Variants in SNTG1 observed in about 807,000 individuals in gnomAD.
SNTG1 encodes the protein gamma-1-syntrophin.
A neutral mutation model predicts 74.7 loss-of-function variants in SNTG1; 39 were observed. The observed-to-expected ratio is 0.52, with a 90% CI of 0.40 to 0.68. The LOEUF (loss-of-function observed/expected upper bound fraction) is 0.68, where lower values mean the gene tolerates loss of function less well. Among genes scored for constraint, SNTG1 ranks in the 30% least tolerant of loss-of-function variants. SNTG1 has a pLI of 0.00. For missense variants in SNTG1, 685 were observed against 609.5 expected, an observed-to-expected ratio of 1.12 and a Z score of -1.30; for synonymous variants, 254 against 217.1, an observed-to-expected ratio of 1.17 and a Z score of -1.49.
In SNTG1 at chr8:50,220,090, C is replaced by T. The variant is rs144337750; in HGVS notation, c.-28+47455C>T. 2.9e-3 allele frequency among the ~76,000 whole-genome samples: 448 copies of T among 152,184 alleles called. 2 individuals are homozygous for T. Among genetic ancestry groups the T allele is most frequent in the African/African-American group, 0.01 (426 of 41,536 alleles). ...AACTTTAAGAAGGTCCCATTGGTGA[C>T]CCTTCTCAGGTGTATGACAAAAAGA... On this transcript the variant is annotated intron_variant, in intron 2 of 18. Transcript: ENST00000642720.
intron 2 of SNTG1, among the ~76,000 whole-genome samples, chr8:50,265,366 G>A (rs899403973): frequency 3.9e-5 from 6 of 151,900 alleles, no homozygotes; most frequent in Non-Finnish European, 8.8e-5. Flanking sequence ...TGGAATAACT[G>A]GAAACCACCG....
intron 2 of SNTG1, among the ~76,000 whole-genome samples, chr8:50,259,505 AAAAAAAG>A (rs1184547499): frequency 4.3e-4 from 10 of 23,264 alleles, no homozygotes; most frequent in Non-Finnish European, 8.6e-4. Context: ...TCTCAAAAAA[AAAAAAAG>A]AAAGAAAGAA....
intron 18 of SNTG1, among the ~76,000 whole-genome samples, chr8:50,777,054 C>G (rs960559613): frequency 6.6e-6 from 1 of 151,656 alleles, no homozygotes; most frequent in African/African-American, 2.4e-5. Flanking sequence ...TGTGTCTTGG[C>G]AAGGATTTCT....
chr8:50,745,081 C>T (rs1420326413), intron 17 of SNTG1, among the ~76,000 whole-genome samples: 1 of 151,922 alleles, frequency 6.6e-6, no homozygotes, highest in Non-Finnish European at 1.5e-5. Context: ...GACTTTTGTA[C>T]ATCAAAGGGT....
intron 1 of SNTG1, among the ~76,000 whole-genome samples, chr8:50,122,665 C>T (rs926344927): frequency 7.1e-6 from 1 of 141,616 alleles, no homozygotes; most frequent in Non-Finnish European, 1.6e-5. Flanking sequence ...CATAAGGAGG[C>T]ACTGTGACTT....
chr8:50,370,885 G>C (rs1279119447), intron 2 of SNTG1, among the ~76,000 whole-genome samples: 1 of 152,034 alleles, frequency 6.6e-6, no homozygotes, highest in Non-Finnish European at 1.5e-5. Flanking sequence ...AAGAATGAAA[G>C]GAAAATAAAA....
chr8:50,190,261 A>G (rs2083520402), intron 2 of SNTG1, among the ~76,000 whole-genome samples: 1 of 152,178 alleles, frequency 6.6e-6, no homozygotes, highest in Non-Finnish European at 1.5e-5. Context: ...ATAGAATATG[A>G]TATTTCATGC....
At chr8:50,563,037 G>T (rs2094497072) in intron 12 of SNTG1, among the ~76,000 whole-genome samples, 1 of 152,112 alleles carries the variant, frequency 6.6e-6, no homozygotes, top group African/African-American at 2.4e-5. Flanking sequence ...CAGGAAACCA[G>T]GAGGGAGAAG....
In SNTG1 at chr8:50,187,102, A is replaced by G. The variant is rs540668505; in HGVS notation, c.-28+14467A>G. Among the ~76,000 whole-genome samples, 4 of 152,166 alleles carry G rather than the reference A, an allele frequency of 2.6e-5. No individual in the cohort carries two copies. The East Asian group carries it at 7.7e-4, about 29-fold the overall frequency. On this transcript the variant is annotated intron_variant, in intron 2 of 18. Transcript: ENST00000642720. The stretch of plus-strand genomic sequence containing the variant: ...GTCCAGTTTCAGCCCAAAGTAATTT[A>G]TAGGTTCAATGCTATTTCCGTCAAA...
At chr8:49,997,695 C>T (rs1351842499) in intron 1 of SNTG1, among the ~76,000 whole-genome samples, 4 of 152,110 alleles carry the variant, frequency 2.6e-5, no homozygotes, top group Non-Finnish European at 5.9e-5. Flanking sequence ...AACTTGTGTC[C>T]TGGTTTTCCT....
chr8:50,653,256 C>T (rs2131248764), intron 13 of SNTG1, among the ~76,000 whole-genome samples: 1 of 152,058 alleles, frequency 6.6e-6, no homozygotes, highest in South Asian at 2.1e-4. Flanking sequence ...CCAGCCTGGG[C>T]AACATAGCAA....
intron 12 of SNTG1, among the ~76,000 whole-genome samples, chr8:50,560,943 T>A (rs1325297223): frequency 2.0e-5 from 3 of 152,232 alleles, no homozygotes; most frequent in Admixed American, 6.5e-5. Flanking sequence ...TTTCTCTAAG[T>A]GTTTAATAAC....
At chr8:50,453,795 G>A (rs1408307615) in intron 8 of SNTG1, among the ~76,000 whole-genome samples, 2 of 152,102 alleles carry the variant, frequency 1.3e-5, no homozygotes, top group South Asian at 2.1e-4. Context: ...TGTCAAGGTG[G>A]GACAGGGTCT....
intron 2 of SNTG1, among the ~76,000 whole-genome samples, chr8:50,247,261 T>C (rs1239915986): frequency 6.6e-6 from 1 of 152,188 alleles, no homozygotes; most frequent in Non-Finnish European, 1.5e-5. Flanking sequence ...GCTTATTTCT[T>C]TGGGGCATTG....
intron 13 of SNTG1, among the ~76,000 whole-genome samples, chr8:50,652,357 A>C (rs1368099637): frequency 6.6e-6 from 1 of 152,144 alleles, no homozygotes; most frequent in Non-Finnish European, 1.5e-5. Context: ...GTATTAATTG[A>C]ATTGTTCAAA....
At chr8:50,620,996 G>T (rs1216948966) in intron 13 of SNTG1, among the ~76,000 whole-genome samples, 2 of 152,130 alleles carry the variant, frequency 1.3e-5, no homozygotes, top group Non-Finnish European at 2.9e-5. Flanking sequence ...AGAGCAAGGG[G>T]GTTGGAGGCA....
At chr8:49,964,243 A>T (rs1810946751) in intron 1 of SNTG1, among the ~76,000 whole-genome samples, 2 of 152,226 alleles carry the variant, frequency 1.3e-5, no homozygotes, top group South Asian at 4.1e-4. Context: ...AAGACCTTGG[A>T]AGGATAAGAC....
At position 50,361,301 on chromosome 8, in the gene SNTG1, T is replaced by C. The variant is rs72642334; in HGVS notation, c.-27-32911T>C. 8.3e-3 allele frequency among the ~76,000 whole-genome samples: 1,259 copies of C among 152,270 alleles called. 7 individuals are homozygous for C. The highest frequency in any genetic ancestry group is 0.027 in the Middle Eastern group (8 of 294). ...ACAGCCATGGAACTCTCATCTCCCA[T>C]GGTAATGATGCCTTCTTCTGAATAC... On this transcript the variant is annotated intron_variant, in intron 2 of 18. Transcript: ENST00000642720.
intron 9 of SNTG1, among the ~76,000 whole-genome samples, chr8:50,512,221 T>C (rs2094084832): frequency 6.6e-6 from 1 of 152,158 alleles, no homozygotes; most frequent in Non-Finnish European, 1.5e-5. Context: ...AATTCTTTTC[T>C]TTAAGAATGT....
Sources: allele counts gnomAD v4.1 joint callset (sites outside exome capture counted in the v4.1 genomes callset), GRCh38; gene constraint gnomAD v4.1.1; transcripts MANE v1.5; gene names NCBI Gene and HGNC (gene_info 2026-07-23, HGNC 2026-07-21).